PRDM11: variants seen among roughly 807,000 people sequenced by gnomAD.
PRDM11 encodes PR/SET domain 11, also known as PR domain-containing protein 11.
PRDM11 carries 20 observed loss-of-function variants against 97.8 expected under a neutral mutation model. The ratio of observed to expected loss-of-function variants is 0.20; its 90% CI spans 0.14 to 0.30. The LOEUF is 0.30. PRDM11 is among the 10% of genes least tolerant of loss of function. The probability of loss-of-function intolerance (pLI) is 1.00; values close to 1 mark genes in which losing one functional copy is unlikely to be tolerated. For missense variants in PRDM11, 1,139 were observed against 1,555.2 expected (o/e 0.73, Z 4.50); for synonymous variants, 599 against 637.7 (o/e 0.94, Z 0.91).
intron 6 of PRDM11, among the ~76,000 whole-genome samples, chr11:45,220,832 A>G (rs3781703): frequency 0.11 from 17,290 of 152,042 alleles, 1,404 homozygotes; most frequent in Admixed American, 0.27. Context: ...CTAGTCCTTT[A>G]CCCTTTTATT....
chr11:45,234,525 C>A lies in PRDM11; in HGVS notation c.*6366C>A, dbSNP rs1238830388. The A allele has an allele frequency of 6.6e-6, 1 of 152,316 alleles. No individual in the cohort carries two copies. The highest frequency in any genetic ancestry group is 1.5e-5 in the Non-Finnish European group (1 of 68,146). The allele number at this position is 152,316 out of a possible 1,614,324, so 9.4% of individuals were successfully genotyped here. On this transcript the variant is annotated 3_prime_UTR_variant, in exon 8 of 8. Coordinates refer to ENST00000683152, the MANE Select transcript of PRDM11 (RefSeq NM_001384648.1). Reference sequence around the variant, plus strand: ...CCTCCAGTACCTGGCTCAAGAGAGACCAGGCCGGGCCGAGCCTTCTTCCCA... The same window carrying A: ...CCTCCAGTACCTGGCTCAAGAGAGAACAGGCCGGGCCGAGCCTTCTTCCCA...
Position 45,228,063 on chromosome 11 carries a change from G to T in PRDM11, c.3438G>T (p.Ala1146=), listed in dbSNP as rs752954658. The T allele has an allele frequency of 6.5e-7, 1 of 1,533,624 alleles. No homozygotes were observed. Among genetic ancestry groups the T allele is most frequent in the African/African-American group, 1.4e-5 (1 of 72,890 alleles). The change falls in exon 8 of 8, where the codon GCG becomes GCT. Residue 1146 remains alanine, a synonymous_variant. Transcript: ENST00000683152. ...AGGAGAAGTCTGGGAACAGTTACGC[G>T]CTGTCTGCAGAAGTCCTCAGTAGGA... The part of the protein sequence containing the change: ...WFEEKSGNSY[A]LSAEVLSRMS...
rs61732308 is a variant in PRDM11, at chr11:45,182,887, G to A, written c.250G>A (p.Val84Met). The change falls in exon 4 of 8, where the codon GTG becomes ATG. Residue 84 changes from valine (V) to methionine (M), a missense_variant. This residue lies in a region of PRDM11 where 429 missense variants were observed against 510.3 expected (regional missense o/e 0.84). Coordinates refer to ENST00000683152, the MANE Select transcript of PRDM11 (RefSeq NM_001384648.1). ...WFCESCQEYFVDECPNHGPPV... is the reference protein window; with the variant it reads ...WFCESCQEYFMDECPNHGPPV... Reference sequence around the variant, plus strand: ...CTGTGAGTCCTGCCAGGAGTACTTCGTGGATGAATGCCCAAACCATGGCCC... The same window carrying A: ...CTGTGAGTCCTGCCAGGAGTACTTCATGGATGAATGCCCAAACCATGGCCC... 3.7e-4 allele frequency: 595 copies of A among 1,604,330 alleles called. 1 individual carries two copies. The highest frequency in any genetic ancestry group is 2.8e-3 in the African/African-American group (209 of 74,882).
chr11:45,126,836 A>C (rs543825503), intron 1 of PRDM11, among the ~76,000 whole-genome samples: 2 of 152,100 alleles, frequency 1.3e-5, no homozygotes, highest in South Asian at 4.2e-4. Flanking sequence ...CTTCTCGAGG[A>C]GTATCTTTGT....
At position 45,212,920 on chromosome 11, in the gene PRDM11, C is replaced by T. The variant is rs532842949; in HGVS notation, c.555-6650C>T. The T allele has an allele frequency of 7.3e-6, 3 of 412,496 alleles. No individual in the cohort carries two copies. The East Asian group carries it at 2.1e-4, about 29-fold the overall frequency. 25.6% of individuals were successfully genotyped at this position (412,496 alleles called of 1,614,324 possible). On this transcript the variant is annotated intron_variant, in intron 5 of 7. Coordinates refer to ENST00000683152, the MANE Select transcript of PRDM11 (RefSeq NM_001384648.1). ...CTCAGCGGGGGCCAGAAGGGGCAGACCCTACGGGCTCCACTCCCCAGGCCA... is the reference window on the plus strand; with the variant it reads ...CTCAGCGGGGGCCAGAAGGGGCAGATCCTACGGGCTCCACTCCCCAGGCCA...
At position 45,227,461 on chromosome 11, in the gene PRDM11, A is replaced by G. The variant is rs903826472; in HGVS notation, c.2836A>G (p.Met946Val). Residue 946 changes from methionine to valine, a missense_variant, in exon 8 of 8, where the codon ATG (methionine) becomes GTG (valine). By Grantham distance (21) the Met-to-Val change is conservative. This residue lies in a region of PRDM11 where 710 missense variants were observed against 1,044.9 expected (regional missense o/e 0.68). Coordinates refer to ENST00000683152, the MANE Select transcript of PRDM11 (RefSeq NM_001384648.1). The surrounding 1 kb of genome is among the most constrained non-coding windows in gnomAD (Gnocchi z 8.0). ...NFRESFNGIA[M>V]KNLRVAEAKF... Reference sequence around the variant, plus strand: ...CCGAGAGAGCTTCAACGGGATCGCCATGAAGAACCTCAGGGTGGCTGAAGC... The same window carrying G: ...CCGAGAGAGCTTCAACGGGATCGCCGTGAAGAACCTCAGGGTGGCTGAAGC... 7 of 1,533,726 alleles carry G rather than the reference A, an allele frequency of 4.6e-6. No individual in the cohort carries two copies. Among genetic ancestry groups the G allele is most frequent in the Non-Finnish European group, 6.1e-6 (7 of 1,146,736 alleles).
At chr11:45,121,644 T>C (rs1247132520) in intron 1 of PRDM11, among the ~76,000 whole-genome samples, 2 of 152,228 alleles carry the variant, frequency 1.3e-5, no homozygotes, top group Non-Finnish European at 2.9e-5. Context: ...AGAATGAATA[T>C]TATTTTGAAG....
At chr11:45,145,541 C>G (rs1851487722), upstream of PRDM11, among the ~76,000 whole-genome samples, 1 of 152,176 alleles carries the variant, frequency 6.6e-6, no homozygotes, top group South Asian at 2.1e-4. Context: ...GCAACTCTTG[C>G]AGGGCTTCGT....
intron 6 of PRDM11, among the ~76,000 whole-genome samples, chr11:45,223,694 CTT>C (rs1854181877): frequency 6.6e-6 from 1 of 152,146 alleles, no homozygotes; most frequent in Non-Finnish European, 1.5e-5. Flanking sequence ...ATAGGATGGA[CTT>C]TGCCTTAAGT....
chr11:45,211,304 G>C (rs931315221), intron 5 of PRDM11, among the ~76,000 whole-genome samples: 1 of 152,194 alleles, frequency 6.6e-6, no homozygotes, highest in African/African-American at 2.4e-5. Flanking sequence ...GTAACTGTAA[G>C]ATAAACCTGT....
At chr11:45,098,296 A>G (rs11606697) in intron 1 of PRDM11, among the ~76,000 whole-genome samples, 50,460 of 151,906 alleles carry the variant, frequency 0.33, 9,847 homozygotes, top group African/African-American at 0.54. Flanking sequence ...CCTCTGGCCA[A>G]TGTTGGCCTT....
At chr11:45,186,300 G>A (rs7480089) in intron 4 of PRDM11, among the ~76,000 whole-genome samples, 23,237 of 152,092 alleles carry the variant, frequency 0.15, 2,120 homozygotes, top group African/African-American at 0.24. Flanking sequence ...ATCAGAGAAG[G>A]TGAGTTCTGC....
chr11:45,126,851 T>C (rs1195636502), intron 1 of PRDM11, among the ~76,000 whole-genome samples: 3 of 152,212 alleles, frequency 2.0e-5, no homozygotes, highest in African/African-American at 7.2e-5. Flanking sequence ...CTTTGTGGTG[T>C]TCTCCGTATT....
At chr11:45,135,112 A>G (rs1458762621) in intron 1 of PRDM11, among the ~76,000 whole-genome samples, 1 of 150,484 alleles carries the variant, frequency 6.6e-6, no homozygotes, top group Non-Finnish European at 1.5e-5. Context: ...AAAAAGAAGA[A>G]TCCAATTTTA....
At chr11:45,150,648 G>A (rs1164833427) in intron 1 of PRDM11, among the ~76,000 whole-genome samples, 1 of 152,180 alleles carries the variant, frequency 6.6e-6, no homozygotes, top group African/African-American at 2.4e-5. Flanking sequence ...GGGGGACTGT[G>A]TGCCAGGGAT....
intron 1 of PRDM11, among the ~76,000 whole-genome samples, chr11:45,101,432 T>C (rs1851973193): frequency 6.6e-6 from 1 of 151,994 alleles, no homozygotes; most frequent in African/African-American, 2.4e-5. Flanking sequence ...GGTCTGCACC[T>C]GTAGTCCCAG....
At chr11:45,104,234 G>A (rs1255801899) in intron 1 of PRDM11, among the ~76,000 whole-genome samples, 1 of 152,220 alleles carries the variant, frequency 6.6e-6, no homozygotes, top group Non-Finnish European at 1.5e-5. Flanking sequence ...CAGGTGATGA[G>A]GCACCAGAGG....
At chr11:45,203,339 G>A (rs776687061) in intron 4 of PRDM11, among the ~76,000 whole-genome samples, 12 of 151,572 alleles carry the variant, frequency 7.9e-5, no homozygotes, top group Non-Finnish European at 1.0e-4. Context: ...GAAACAGAAA[G>A]AGGCAGGATG....
chr11:45,144,577 C>CCAT (rs1851467467), upstream of PRDM11, among the ~76,000 whole-genome samples: 1 of 152,166 alleles, frequency 6.6e-6, no homozygotes, highest in East Asian at 1.9e-4. Context: ...GGGACCACTC[C>CCAT]CCTCCTTTAT....
Sources: allele counts gnomAD v4.1 joint callset (sites outside exome capture counted in the v4.1 genomes callset), GRCh38; gene constraint gnomAD v4.1.1; regional missense constraint gnomAD v4.1.1; non-coding constraint Gnocchi (gnomAD v3.1); transcripts MANE v1.5; gene names NCBI Gene and HGNC (gene_info 2026-07-23, HGNC 2026-07-21).